The following ABHD17B variants were observed in gnomAD, a reference collection of about 807,000 sequenced individuals.
ABHD17B encodes the protein alpha/beta hydrolase domain-containing protein 17B.
Under a neutral mutation model 26.2 loss-of-function variants are expected in ABHD17B, and 9 were observed. That is an observed-to-expected ratio of 0.34 (90% CI 0.21 to 0.60). The LOEUF is 0.60. ABHD17B is among the 20% of genes least tolerant of loss of function. The probability of loss-of-function intolerance (pLI) is 0.80; values close to 1 mark genes in which losing one functional copy is unlikely to be tolerated. For missense variants in ABHD17B, 224 were observed against 352.1 expected, an observed-to-expected ratio of 0.64 and a Z score of 2.91; for synonymous variants, 127 against 122.3, an observed-to-expected ratio of 1.04 and a Z score of -0.25.
chr9:71,878,764 A>G (rs1193196818), intron 1 of ABHD17B, among the ~76,000 whole-genome samples: 1 of 152,076 alleles, frequency 6.6e-6, no homozygotes, highest in Non-Finnish European at 1.5e-5. Context: ...ATCAAAAAAA[A>G]CAAAGAGAGA....
intron 1 of ABHD17B, among the ~76,000 whole-genome samples, chr9:71,880,013 T>A (rs1851879): frequency 5.3e-5 from 8 of 152,248 alleles, no homozygotes; most frequent in East Asian, 1.9e-4. Flanking sequence ...AATAATGTAC[T>A]AAAGGAAAAA....
At chr9:71,895,645 T>C (rs1826931122) in intron 1 of ABHD17B, among the ~76,000 whole-genome samples, 1 of 152,238 alleles carries the variant, frequency 6.6e-6, no homozygotes, top group Non-Finnish European at 1.5e-5. Flanking sequence ...AATCTGTCAA[T>C]GTTCTAATAC....
chr9:71,893,581 T>C (rs978441713), intron 1 of ABHD17B, among the ~76,000 whole-genome samples: 1 of 152,202 alleles, frequency 6.6e-6, no homozygotes, highest in Non-Finnish European at 1.5e-5. Flanking sequence ...TCCAGTCCTT[T>C]TGGATTTTTA....
At chr9:71,902,137 C>T (rs918322970) in intron 1 of ABHD17B, among the ~76,000 whole-genome samples, 1 of 152,084 alleles carries the variant, frequency 6.6e-6, no homozygotes, top group African/African-American at 2.4e-5. Flanking sequence ...ATAAATGAAA[C>T]TTTTACTAGT....
intron 1 of ABHD17B, among the ~76,000 whole-genome samples, chr9:71,892,784 TG>T (rs892492140): frequency 7.2e-4 from 12 of 16,570 alleles, no homozygotes; most frequent in Non-Finnish European, 1.4e-3. Flanking sequence ...AATAATGTTG[TG>T]TTTTTTAAAT....
At chr9:71,900,652 CAAAAA>C (rs35196879) in intron 1 of ABHD17B, among the ~76,000 whole-genome samples, 5 of 69,416 alleles carry the variant, frequency 7.2e-5, no homozygotes, top group Non-Finnish European at 5.9e-5. Flanking sequence ...ACTCCATCTC[CAAAAA>C]AAAAAAAAAA....
chr9:71,897,236 C>T lies in ABHD17B; in HGVS notation c.-4+13398G>A, dbSNP rs141427212. ...AAACTTCTTGTAACCTTGCCCTACA[C>T]GAGATATAAAGTCATTCTGCAGGCC... On this transcript the variant is annotated intron_variant, in intron 1 of 3. Coordinates refer to ENST00000333421, the MANE Select transcript of ABHD17B (RefSeq NM_001025780.3). 3.7e-3 allele frequency among the ~76,000 whole-genome samples: 565 copies of T among 152,312 alleles called. 4 individuals carry two copies. The highest frequency in any genetic ancestry group is 0.013 in the African/African-American group (523 of 41,574).
Position 71,865,986 on chromosome 9 carries a change from A to G in ABHD17B, c.*801T>C, listed in dbSNP as rs1012823296. 1 of 985,312 alleles carries G rather than the reference A, an allele frequency of 1.0e-6. No individual in the cohort carries two copies. The highest frequency in any genetic ancestry group is 1.2e-6 in the Non-Finnish European group (1 of 829,788). The allele number at this position is 985,312 out of a possible 1,614,324, so 61.0% of individuals were successfully genotyped here. ...AGACTACTGCAATTCTATGAAGACT[A>G]TGAGATCAGTCAAAATTTAAAACAT... is the stretch of plus-strand genomic sequence containing the variant. On this transcript the variant is annotated 3_prime_UTR_variant, in exon 4 of 4. Transcript: ENST00000333421.
intron 1 of ABHD17B, among the ~76,000 whole-genome samples, chr9:71,882,324 C>T (rs971672775): frequency 1.3e-5 from 2 of 152,218 alleles, no homozygotes; most frequent in African/African-American, 2.4e-5. Context: ...AGCTGAAAAA[C>T]GTAAGCAATC....
chr9:71,889,088 G>A (rs534699057), intron 1 of ABHD17B, among the ~76,000 whole-genome samples: 3 of 151,116 alleles, frequency 2.0e-5, no homozygotes, highest in Non-Finnish European at 2.9e-5. Flanking sequence ...AGGCTGAGGC[G>A]GGCGGATCAC....
At chr9:71,893,701 C>T (rs1250476262) in intron 1 of ABHD17B, among the ~76,000 whole-genome samples, 1 of 152,230 alleles carries the variant, frequency 6.6e-6, no homozygotes, top group African/African-American at 2.4e-5. Flanking sequence ...GACTGTAAAT[C>T]CCAACCCTCT....
At chr9:71,878,993 A>T (rs1460455704) in intron 1 of ABHD17B, among the ~76,000 whole-genome samples, 1 of 151,518 alleles carries the variant, frequency 6.6e-6, no homozygotes, top group African/African-American at 2.4e-5. Flanking sequence ...CCATCTCTAT[A>T]AAAAATACAA....
At chr9:71,874,563 T>C in intron 2 of ABHD17B, 51 bp downstream of exon 2, 1 of 1,445,672 alleles carries the variant, frequency 6.9e-7, no homozygotes, top group Non-Finnish European at 9.3e-7. Flanking sequence ...ACACAAGATA[T>C]TTTTAGCTAA....
rs185778121 is a variant in ABHD17B at position 71,899,618 on chromosome 9, C to G, written c.-4+11016G>C. 3.9e-5 allele frequency among the ~76,000 whole-genome samples: 6 copies of G among 152,222 alleles called. No individual in the cohort carries two copies. The East Asian group carries it at 1.2e-3, about 29-fold the overall frequency. On this transcript the variant is annotated intron_variant, in intron 1 of 3. Coordinates refer to ENST00000333421, the MANE Select transcript of ABHD17B (RefSeq NM_001025780.3). ...AAATATAGGAATTGTGGAAGGAGCA[C>G]TAGCCCAAGAGTTGGAAAATGAAGG...
chr9:71,889,597 C>G (rs920101200), intron 1 of ABHD17B, among the ~76,000 whole-genome samples: 1 of 152,086 alleles, frequency 6.6e-6, no homozygotes, highest in African/African-American at 2.4e-5. Context: ...CAGCTATGCT[C>G]TCTACTGTAA....
chr9:71,893,684 C>T (rs921102149), intron 1 of ABHD17B, among the ~76,000 whole-genome samples: 5 of 152,222 alleles, frequency 3.3e-5, no homozygotes, highest in Non-Finnish European at 2.9e-5. Flanking sequence ...CAGAGATTAA[C>T]AGGCAGGACT....
intron 1 of ABHD17B, among the ~76,000 whole-genome samples, chr9:71,899,807 A>G (rs2132199675): frequency 6.6e-6 from 1 of 152,228 alleles, no homozygotes; most frequent in South Asian, 2.1e-4. Flanking sequence ...TCCTATGTTA[A>G]CATTATCTTT....
At chr9:71,908,397 A>G (rs1827348360) in intron 1 of ABHD17B, among the ~76,000 whole-genome samples, 1 of 151,024 alleles carries the variant, frequency 6.6e-6, no homozygotes, top group South Asian at 2.1e-4. Context: ...CGTCTCAAAA[A>G]AAAAAAAAAA....
intron 2 of ABHD17B, 151 bp downstream of exon 2, chr9:71,874,463 G>A (rs1826201912): frequency 1.7e-6 from 1 of 584,796 alleles, no homozygotes; most frequent in Admixed American, 3.7e-5. Context: ...TAAAATTGCT[G>A]TCTAAAATAT....
Sources: allele counts gnomAD v4.1 joint callset (sites outside exome capture counted in the v4.1 genomes callset), GRCh38; gene constraint gnomAD v4.1.1; transcripts MANE v1.5; gene names NCBI Gene and HGNC (gene_info 2026-07-23, HGNC 2026-07-21).